Variants in AP4S1 observed in about 807,000 individuals in gnomAD.
The protein encoded by AP4S1 is AP-4 complex subunit sigma-1.
A neutral mutation model predicts 19.8 loss-of-function variants in AP4S1; 23 were observed. That is an observed-to-expected ratio of 1.16 (90% CI 0.84 to 1.65). AP4S1 has a LOEUF of 1.65. Among genes scored for constraint, AP4S1 ranks in the 40% most tolerant of loss-of-function variants. AP4S1 has a pLI of 0.00. For synonymous variants in AP4S1, 46 were observed against 54.1 expected (o/e 0.85, Z 0.66); for missense variants, 166 against 172.8 (o/e 0.96, Z 0.22).
chr14:31,084,626 C>G, intron 5 of AP4S1: 1 of 1,385,222 alleles, frequency 7.2e-7, no homozygotes, highest in Non-Finnish European at 9.9e-7. Flanking sequence ...CCTGTGCACT[C>G]TTCAGTTCCA....
At chr14:31,026,163 C>T in intron 1 of AP4S1, 2 of 1,486,686 alleles carry the variant, frequency 1.3e-6, no homozygotes, top group African/African-American at 1.5e-5. Context: ...GCCGCCACCA[C>T]CGCCTCCGGC....
chr14:31,029,471 C>T (rs1566507011), intron 1 of AP4S1, among the ~76,000 whole-genome samples: 1 of 152,240 alleles, frequency 6.6e-6, no homozygotes, highest in Non-Finnish European at 1.5e-5. Context: ...ATGTATAATG[C>T]TATTTCATTC....
Position 31,049,025 on chromosome 14 carries a change from G to T in AP4S1, c.-71-17101G>T, listed in dbSNP as rs146484434. Among the ~76,000 whole-genome samples the T allele has an allele frequency of 3.6e-3, 544 of 152,092 alleles. 3 individuals carry two copies. The highest frequency in any genetic ancestry group is 0.012 in the African/African-American group (502 of 41,512). ...TCCCAGCACTTTGGGAGGCAGGGCA[G>T]ATCACCCTAGGTCAGGAGTTCAAGA... On this transcript the variant is annotated intron_variant, in intron 1 of 5. Coordinates refer to ENST00000542754, the MANE Select transcript of AP4S1 (RefSeq NM_001128126.3).
intron 1 of AP4S1, among the ~76,000 whole-genome samples, chr14:31,064,452 G>T (rs895600195): frequency 6.6e-6 from 1 of 152,050 alleles, no homozygotes; most frequent in Non-Finnish European, 1.5e-5. Context: ...CTTCTGAGTA[G>T]CTGGGATTAC....
intron 1 of AP4S1, among the ~76,000 whole-genome samples, chr14:31,049,428 A>AAAATATATATATAT (rs1384450221): frequency 1.4e-4 from 8 of 57,740 alleles, no homozygotes; most frequent in African/African-American, 4.0e-4. Context: ...AAAAAAAAAA[A>AAAATATATATATAT]ATATATATAT....
rs1221916993 is a variant in AP4S1, at chr14:31,085,609, AC to A, written c.306+5026del. 6 of 850,578 alleles carry A rather than the reference AC, an allele frequency of 7.1e-6. No individual in the cohort carries two copies. In the East Asian group the frequency reaches 7.3e-4, roughly 104 times the overall value. The allele number at this position is 850,578 out of a possible 1,614,324, so 52.7% of individuals were successfully genotyped here. A position where few individuals can be genotyped will look rare whatever the true frequency, so the allele number is the denominator to read the frequency against. ...GGCAACATAGGGAGACCCAGTCTCT[AC>A]AAAAAAATTTAAAAAGCCAGGCATT... On this transcript the variant is annotated intron_variant, in intron 5 of 5. Coordinates refer to ENST00000542754, the MANE Select transcript of AP4S1 (RefSeq NM_001128126.3).
chr14:31,025,614 A>C, upstream of AP4S1: 2 of 483,562 alleles, frequency 4.1e-6, no homozygotes, highest in Non-Finnish European at 7.5e-6. Context: ...GAGGCCCGGG[A>C]AGGCCGCCTC....
intron 4 of AP4S1, among the ~76,000 whole-genome samples, chr14:31,073,391 G>A (rs1397625903): frequency 3.7e-5 from 5 of 135,258 alleles, no homozygotes; most frequent in East Asian, 2.2e-4. Context: ...TCCGGAGGCT[G>A]AGGCAGGAGA....
chr14:31,064,579 C>T (rs1886614208), intron 1 of AP4S1, among the ~76,000 whole-genome samples: 1 of 152,136 alleles, frequency 6.6e-6, no homozygotes, highest in Non-Finnish European at 1.5e-5. Flanking sequence ...GTGTTGGCCT[C>T]CCAAAATGCT....
At chr14:31,075,003 T>C (rs758830459) in intron 4 of AP4S1, among the ~76,000 whole-genome samples, 6 of 152,226 alleles carry the variant, frequency 3.9e-5, no homozygotes, top group Non-Finnish European at 2.9e-5. Context: ...CTCTATCACC[T>C]TAAATATTTA....
upstream of AP4S1, chr14:31,025,576 A>C: frequency 4.8e-6 from 2 of 413,496 alleles, no homozygotes; most frequent in Non-Finnish European, 8.9e-6. Flanking sequence ...GGACTCTCCC[A>C]CAGAGAGGTG....
At chr14:31,037,045 C>T (rs906053262) in intron 1 of AP4S1, among the ~76,000 whole-genome samples, 3 of 152,034 alleles carry the variant, frequency 2.0e-5, no homozygotes, top group Non-Finnish European at 4.4e-5. Flanking sequence ...ATCTCTTGAC[C>T]TTCTGATCTG....
chr14:31,086,856 T>C (rs1336859754), intron 5 of AP4S1, among the ~76,000 whole-genome samples: 2 of 152,032 alleles, frequency 1.3e-5, no homozygotes, highest in African/African-American at 4.8e-5. Flanking sequence ...TTTTAAAAAT[T>C]AATGTAAAAA....
chr14:31,092,815 T>A, intron 5 of AP4S1, 92 bp from the exon 6 acceptor site: 1 of 970,652 alleles, frequency 1.0e-6, no homozygotes, highest in South Asian at 2.1e-5. Flanking sequence ...CTTAGGCTAA[T>A]TTACACTGGG....
At chr14:31,062,898 C>T (rs920182671) in intron 1 of AP4S1, among the ~76,000 whole-genome samples, 5 of 151,374 alleles carry the variant, frequency 3.3e-5, no homozygotes, top group African/African-American at 1.2e-4. Flanking sequence ...ACCCGGGAGG[C>T]GGAGCTTGCA....
chr14:31,046,870 AG>A (rs1445691843), intron 1 of AP4S1, among the ~76,000 whole-genome samples: 1 of 151,740 alleles, frequency 6.6e-6, no homozygotes, highest in Non-Finnish European at 1.5e-5. Context: ...AAAAAGAAGA[AG>A]TAGAATTGCT....
intron 1 of AP4S1, among the ~76,000 whole-genome samples, chr14:31,033,491 C>T (rs539559495): frequency 2.0e-5 from 3 of 152,012 alleles, no homozygotes; most frequent in Non-Finnish European, 2.9e-5. Context: ...GGATTACAGG[C>T]GTGAGCCACT....
chr14:31,026,794 GGTT>G (rs1183684126), intron 1 of AP4S1: 2 of 152,372 alleles, frequency 1.3e-5, no homozygotes, highest in Non-Finnish European at 1.5e-5. Context: ...TTTCTGAGCT[GGTT>G]GTTAACCTGG....
chr14:31,032,521 A>C (rs935129599), intron 1 of AP4S1, among the ~76,000 whole-genome samples: 3 of 125,100 alleles, frequency 2.4e-5, no homozygotes, highest in African/African-American at 3.4e-5. Flanking sequence ...CCCAGAATGT[A>C]CATTTTTTTT....
Sources: gnomAD v4.1 joint callset for allele counts (sites outside exome capture counted in the v4.1 genomes callset) on GRCh38, gnomAD v4.1.1 for gene constraint, MANE v1.5 for transcripts, NCBI Gene and HGNC (gene_info 2026-07-23, HGNC 2026-07-21) for gene names.